BBS7: variants seen among roughly 807,000 people sequenced by gnomAD.
The protein encoded by BBS7 is BBSome complex member BBS7.
BBS7 carries 50 observed loss-of-function variants against 90.3 expected under a neutral mutation model. The ratio of observed to expected loss-of-function variants is 0.55; its 90% CI spans 0.44 to 0.70. The LOEUF (loss-of-function observed/expected upper bound fraction) is 0.70, where lower values mean the gene tolerates loss of function less well. BBS7 is among the 30% of genes least tolerant of loss of function. BBS7 has a pLI of 0.00. For synonymous variants in BBS7, 235 were observed against 287.4 expected (o/e 0.82, Z 1.85); for missense variants, 729 against 838.9 (o/e 0.87, Z 1.62).
intron 5 of BBS7, 86 bp from the exon 6 acceptor site, chr4:121,855,647 A>C: frequency 1.8e-6 from 2 of 1,137,066 alleles, no homozygotes; most frequent in Non-Finnish European, 2.7e-6. Context: ...ATTCAAATAC[A>C]GTACTCTTAG....
chr4:121,840,179 C>T (rs1174507638), intron 12 of BBS7, among the ~76,000 whole-genome samples: 1 of 152,146 alleles, frequency 6.6e-6, no homozygotes, highest in Non-Finnish European at 1.5e-5. Flanking sequence ...ATACTGCTCT[C>T]ATGGTAGTGA....
intron 13 of BBS7, among the ~76,000 whole-genome samples, chr4:121,838,342 A>G (rs922573853): frequency 2.1e-5 from 3 of 145,266 alleles, no homozygotes; most frequent in Non-Finnish European, 1.5e-5. Context: ...TGAAACAAAT[A>G]TTGTGTAACA....
intron 8 of BBS7, 37 bp downstream of exon 8, chr4:121,852,919 C>A: frequency 6.3e-7 from 1 of 1,599,310 alleles, no homozygotes; most frequent in Non-Finnish European, 8.6e-7. Flanking sequence ...AATAATTTGA[C>A]AAATAATAAG....
chr4:121,845,236 C>A (rs1725944121), intron 11 of BBS7, among the ~76,000 whole-genome samples: 1 of 151,900 alleles, frequency 6.6e-6, no homozygotes, highest in South Asian at 2.1e-4. Flanking sequence ...GGTGTGGTGG[C>A]ACATACCTGT....
At chr4:121,833,124 T>C (rs994790753) in intron 15 of BBS7, 107 bp downstream of exon 15, 2 of 1,082,264 alleles carry the variant, frequency 1.8e-6, no homozygotes, top group African/African-American at 1.6e-5. Flanking sequence ...TTGAACAGTA[T>C]AGATTTTCAA....
At chr4:121,853,562 A>G (rs931426830) in intron 7 of BBS7, among the ~76,000 whole-genome samples, 4 of 150,760 alleles carry the variant, frequency 2.7e-5, no homozygotes, top group African/African-American at 9.8e-5. Context: ...AGCAAATTCC[A>G]TCTTCTCTAC....
At chr4:121,860,943 G>T (rs1431828644) in intron 4 of BBS7, among the ~76,000 whole-genome samples, 5 of 152,144 alleles carry the variant, frequency 3.3e-5, no homozygotes, top group African/African-American at 7.2e-5. Context: ...TTGTTTAAGT[G>T]GCCCAAGGGA....
Position 121,825,669 on chromosome 4 carries a change from CTT to C in BBS7, c.*189_*190del, listed in dbSNP as rs1218734184. 8 of 482,842 alleles carry C rather than the reference CTT, an allele frequency of 1.7e-5. No homozygotes were observed. Among genetic ancestry groups the C allele is most frequent in the South Asian group, 9.0e-5 (2 of 22,210 alleles). 29.9% of individuals were successfully genotyped at this position (482,842 alleles called of 1,614,324 possible). A position where few individuals can be genotyped will look rare whatever the true frequency, so the allele number is the denominator to read the frequency against. On this transcript the variant is annotated 3_prime_UTR_variant, in exon 19 of 19. Transcript: ENST00000264499. ...CTTGTGTTTTAAAAATAAAAAGACT[CTT>C]TTAGTTTTAGAAAGTTCAATTTGTC...
chr4:121,833,948 A>G (rs2149055116), intron 14 of BBS7, among the ~76,000 whole-genome samples: 1 of 152,278 alleles, frequency 6.6e-6, no homozygotes, highest in East Asian at 1.9e-4. Context: ...AAGGCAAAGA[A>G]TTGGGCTTTT....
intron 12 of BBS7, among the ~76,000 whole-genome samples, chr4:121,841,698 T>C (rs1725751186): frequency 1.3e-5 from 2 of 152,150 alleles, no homozygotes; most frequent in African/African-American, 4.8e-5. Context: ...TCCTAGAAAA[T>C]ATATTTTAAA....
At chr4:121,851,467 G>T (rs967937361) in intron 8 of BBS7, among the ~76,000 whole-genome samples, 2 of 150,486 alleles carry the variant, frequency 1.3e-5, no homozygotes, top group African/African-American at 4.9e-5. Context: ...AGAAAGGGAA[G>T]AAAGGGAGAA....
At chr4:121,829,995 C>T (rs940645532) in intron 15 of BBS7, among the ~76,000 whole-genome samples, 3 of 152,318 alleles carry the variant, frequency 2.0e-5, no homozygotes, top group South Asian at 2.1e-4. Flanking sequence ...TTCCTTTTTA[C>T]GATGACCAAG....
chr4:121,843,043 A>G (rs1010492412), intron 12 of BBS7, among the ~76,000 whole-genome samples: 1 of 152,162 alleles, frequency 6.6e-6, no homozygotes, highest in African/African-American at 2.4e-5. Flanking sequence ...TCATGTTCCA[A>G]TGCAGGGATG....
chr4:121,846,190 A>G (rs1351337182), intron 10 of BBS7, among the ~76,000 whole-genome samples: 2 of 152,212 alleles, frequency 1.3e-5, no homozygotes, highest in Non-Finnish European at 2.9e-5. Context: ...GGGGACCACA[A>G]GGATGATCAT....
chr4:121,832,009 A>ACACACACACACAC (rs1725207388), intron 15 of BBS7, among the ~76,000 whole-genome samples: 4 of 142,872 alleles, frequency 2.8e-5, no homozygotes, highest in African/African-American at 1.1e-4. Context: ...AAAAAACAAA[A>ACACACACACACAC]ACACACACAC....
At chr4:121,830,682 CAGCTGGTAAGTCACAG>C (rs1192701437) in intron 15 of BBS7, among the ~76,000 whole-genome samples, 1 of 152,162 alleles carries the variant, frequency 6.6e-6, no homozygotes, top group African/African-American at 2.4e-5. Flanking sequence ...TAGGGTCACA[CAGCTGGTAAGTCACAG>C]AGCCAGGATT....
chr4:121,833,309 TCTGGAA>T lies in BBS7; in HGVS notation c.1592_1597del (p.Val531_Pro532del), dbSNP rs587777836. 14 of 1,613,924 alleles carry T rather than the reference TCTGGAA, an allele frequency of 8.7e-6. No individual in the cohort carries two copies. In the South Asian group the frequency reaches 1.5e-4, roughly 18 times the overall value. On this transcript the variant is annotated inframe_deletion, in exon 15 of 19. Coordinates refer to ENST00000264499, the MANE Select transcript of BBS7 (RefSeq NM_176824.3). The stretch of plus-strand genomic sequence containing the variant: ...CACACATTCTCCTGCTGGAGGTTTT[TCTGGAA>T]CTTCAGGCAGACAAAAAACCACCCA...
chr4:121,828,051 C>A lies in BBS7; in HGVS notation c.2014+95G>T, dbSNP rs1038527929. On this transcript the variant is annotated intron_variant, in intron 18 of 18. Transcript: ENST00000264499. ...GTTCATGAATCATGACTGATGTAAT[C>A]TTTTTATCTTTCTGCCCAGCTTCTC... 1.1e-4 allele frequency: 175 copies of A among 1,572,410 alleles called. 2 individuals are homozygous for A. In the African/African-American group the frequency reaches 1.6e-3, roughly 15 times the overall value.
At chr4:121,848,582 T>C (rs1406135184) in intron 9 of BBS7, among the ~76,000 whole-genome samples, 2 of 152,340 alleles carry the variant, frequency 1.3e-5, no homozygotes, top group East Asian at 1.9e-4. Context: ...TTATTATTCG[T>C]TATTGTTAAT....
Sources: allele counts gnomAD v4.1 joint callset (sites outside exome capture counted in the v4.1 genomes callset), GRCh38; gene constraint gnomAD v4.1.1; transcripts MANE v1.5; gene names NCBI Gene and HGNC (gene_info 2026-07-23, HGNC 2026-07-21).